Variants in CNTNAP2 observed in about 807,000 individuals in gnomAD.
CNTNAP2 encodes contactin-associated protein-like 2.
In CNTNAP2, 98 loss-of-function variants were observed where a neutral mutation model predicts 155.2. That is an observed-to-expected ratio of 0.63 (90% CI 0.54 to 0.75). The LOEUF (loss-of-function observed/expected upper bound fraction) is 0.75. CNTNAP2 is among the 30% of genes least tolerant of loss of function. The pLI is 0.00. For missense variants in CNTNAP2, 1,727 were observed against 1,688.1 expected (o/e 1.02, Z -0.40); for synonymous variants, 651 against 631.2 (o/e 1.03, Z -0.47).
chr7:147,999,797 T>G (rs1801866911), intron 15 of CNTNAP2, among the ~76,000 whole-genome samples: 1 of 152,146 alleles, frequency 6.6e-6, no homozygotes, highest in Non-Finnish European at 1.5e-5. Flanking sequence ...GTTGCAATTT[T>G]GCAGTTGCCC....
intron 12 of CNTNAP2, among the ~76,000 whole-genome samples, chr7:147,579,839 A>G (rs147805500): frequency 5.5e-4 from 83 of 152,290 alleles, no homozygotes; most frequent in Middle Eastern, 3.4e-3. Flanking sequence ...CAAACCATCA[A>G]TGGTACATAC....
intron 13 of CNTNAP2, among the ~76,000 whole-genome samples, chr7:147,684,592 G>A (rs1353567026): frequency 6.6e-6 from 1 of 151,788 alleles, no homozygotes; most frequent in Non-Finnish European, 1.5e-5. Context: ...AGTTCCAATA[G>A]AATAATCGTT....
intron 1 of CNTNAP2, among the ~76,000 whole-genome samples, chr7:146,457,813 A>G (rs1796579710): frequency 6.6e-6 from 1 of 151,774 alleles, no homozygotes; most frequent in Admixed American, 6.6e-5. Context: ...CAAATAATGT[A>G]TTTTTATGTT....
rs71527854 is a variant in CNTNAP2 at position 147,924,143 on chromosome 7, C to CTTTTTTTTTTT, written c.2255+20425_2255+20435dup. On this transcript the variant is annotated intron_variant, in intron 14 of 23. Coordinates refer to ENST00000361727, the MANE Select transcript of CNTNAP2 (RefSeq NM_014141.6). ...GCACTTTTTTCTTTTCTTTTCTTTT[C>CTTTTTTTTTTT]TTTTTTTTTTTTTGAGACAGAGTTT... Among the ~76,000 whole-genome samples, 24 of 123,482 alleles carry CTTTTTTTTTTT rather than the reference C, an allele frequency of 1.9e-4. 4 individuals carry two copies. Among genetic ancestry groups the CTTTTTTTTTTT allele is most frequent in the African/African-American group, 3.5e-4 (11 of 31,532 alleles). 81.0% of individuals were successfully genotyped at this position (123,482 alleles called of 152,430 possible). A position where few individuals can be genotyped will look rare whatever the true frequency, so the allele number is the denominator to read the frequency against.
At chr7:146,350,139 C>T (rs1259848969) in intron 1 of CNTNAP2, among the ~76,000 whole-genome samples, 2 of 152,134 alleles carry the variant, frequency 1.3e-5, no homozygotes, top group Non-Finnish European at 2.9e-5. Flanking sequence ...TTCACATAGT[C>T]CCATATTTCT....
At chr7:148,321,846 A>T (rs1273871073) in intron 21 of CNTNAP2, among the ~76,000 whole-genome samples, 1 of 152,170 alleles carries the variant, frequency 6.6e-6, no homozygotes, top group Non-Finnish European at 1.5e-5. Flanking sequence ...ATGTAATCAC[A>T]TATGAACTGC....
chr7:148,081,113 A>G (rs1803595221), intron 15 of CNTNAP2, among the ~76,000 whole-genome samples: 1 of 152,234 alleles, frequency 6.6e-6, no homozygotes, highest in Admixed American at 6.5e-5. Flanking sequence ...GTAAAATCTC[A>G]ATGACAAAGA....
At chr7:148,022,722 TTG>T (rs1377634311) in intron 15 of CNTNAP2, among the ~76,000 whole-genome samples, 1 of 152,058 alleles carries the variant, frequency 6.6e-6, no homozygotes, top group Non-Finnish European at 1.5e-5. Context: ...TGGTTTTTTT[TTG>T]GACTCTGCGA....
intron 1 of CNTNAP2, among the ~76,000 whole-genome samples, chr7:146,597,565 G>A (rs562733500): frequency 1.3e-5 from 2 of 152,026 alleles, no homozygotes; most frequent in African/African-American, 4.8e-5. Flanking sequence ...TAATACTCAT[G>A]CACTGTTTCA....
At chr7:146,150,950 T>G (rs1798027877) in intron 1 of CNTNAP2, among the ~76,000 whole-genome samples, 1 of 152,066 alleles carries the variant, frequency 6.6e-6, no homozygotes, top group African/African-American at 2.4e-5. Context: ...TGATACTCTA[T>G]TGAGCATGGC....
chr7:148,379,171 C>T (rs1358970912), intron 21 of CNTNAP2, among the ~76,000 whole-genome samples: 1 of 15,220 alleles, frequency 6.6e-5, no homozygotes, highest in African/African-American at 1.1e-4. Context: ...CTCACTGATG[C>T]CCTAAAATCT....
intron 8 of CNTNAP2, among the ~76,000 whole-genome samples, chr7:147,173,563 G>A (rs1802274581): frequency 6.6e-6 from 1 of 152,098 alleles, no homozygotes; most frequent in Non-Finnish European, 1.5e-5. Context: ...ATAGACACCT[G>A]TTAGTAAAAG....
intron 1 of CNTNAP2, among the ~76,000 whole-genome samples, chr7:146,279,621 T>C (rs537512557): frequency 6.6e-6 from 1 of 152,130 alleles, no homozygotes; most frequent in Admixed American, 6.6e-5. Flanking sequence ...AAATAATTTG[T>C]TTAGAATTTC....
At position 147,044,005 on chromosome 7, in the gene CNTNAP2, T is replaced by G; in HGVS notation, c.501T>G (p.Asn167Lys). The G allele has an allele frequency of 2.5e-6, 4 of 1,614,240 alleles. No homozygotes were observed. The highest frequency in any genetic ancestry group is 3.4e-6 in the Non-Finnish European group (4 of 1,180,026). The change falls in exon 4 of 24, where the codon AAT becomes AAG. Residue 167 changes from asparagine (N) to lysine (K), a missense_variant. By Grantham distance (94) the Asn-to-Lys change is moderately conservative (BLOSUM62 0). Transcript: ENST00000361727. Reference sequence around the variant, plus strand: ...TGCGCATAGTGCCTCTGGATTGGAATGGAGAAGGTCGCATTGGACTCAGAA... The same window carrying G: ...TGCGCATAGTGCCTCTGGATTGGAAGGGAGAAGGTCGCATTGGACTCAGAA... ...RYVRIVPLDWNGEGRIGLRIE... is the reference protein window; with the variant it reads ...RYVRIVPLDWKGEGRIGLRIE...
chr7:147,196,605 C>A (rs1455691835), intron 8 of CNTNAP2, among the ~76,000 whole-genome samples: 1 of 152,148 alleles, frequency 6.6e-6, no homozygotes, highest in Non-Finnish European at 1.5e-5. Context: ...TGCATCCCTG[C>A]CTGAACACAA....
chr7:147,534,061 A>G (rs770159935), intron 11 of CNTNAP2, among the ~76,000 whole-genome samples: 15 of 152,308 alleles, frequency 9.8e-5, no homozygotes, highest in Admixed American at 2.6e-4. Context: ...GCAATTCTCT[A>G]TCAACATGGA....
intron 1 of CNTNAP2, among the ~76,000 whole-genome samples, chr7:146,301,360 C>T (rs1165602715): frequency 1.3e-5 from 2 of 152,044 alleles, no homozygotes; most frequent in Admixed American, 1.3e-4. Context: ...CACAGTGACT[C>T]ACGCCTGTAA....
intron 1 of CNTNAP2, among the ~76,000 whole-genome samples, chr7:146,183,378 T>C: frequency 6.6e-6 from 1 of 152,096 alleles, no homozygotes; most frequent in Non-Finnish European, 1.5e-5. Flanking sequence ...GATGAGAAGA[T>C]ACCTGGAACT....
At chr7:146,475,794 C>A (rs181497128) in intron 1 of CNTNAP2, among the ~76,000 whole-genome samples, 476 of 152,178 alleles carry the variant, frequency 3.1e-3, no homozygotes, top group Middle Eastern at 0.01. Context: ...TCCAGTCCTC[C>A]CAATACCCCA....
Sources: allele counts gnomAD v4.1 joint callset (sites outside exome capture counted in the v4.1 genomes callset), GRCh38; gene constraint gnomAD v4.1.1; transcripts MANE v1.5; gene names NCBI Gene and HGNC (gene_info 2026-07-23, HGNC 2026-07-21).